The following ROBO1 variants were observed in gnomAD, a reference collection of about 807,000 sequenced individuals.
ROBO1 encodes roundabout homolog 1.
ROBO1 carries 149 observed loss-of-function variants against 195.9 expected under a neutral mutation model. That is an observed-to-expected ratio of 0.76 (90% CI 0.67 to 0.87). ROBO1 has a LOEUF of 0.87. ROBO1 is among the 40% of genes least tolerant of loss of function. The probability of loss-of-function intolerance (pLI) is 0.00; values close to 1 mark genes in which losing one functional copy is unlikely to be tolerated. For synonymous variants in ROBO1, 816 were observed against 733.2 expected (o/e 1.11, Z -1.82); for missense variants, 1,933 against 2,068.3 (o/e 0.93, Z 1.27).
chr3:79,699,337 A>C (rs1255018296), intron 1 of ROBO1, among the ~76,000 whole-genome samples: 1 of 151,538 alleles, frequency 6.6e-6, no homozygotes, highest in African/African-American at 2.4e-5. Flanking sequence ...CGCCCCCTAC[A>C]TGGCAACAGA....
chr3:79,301,626 T>C (rs1228153182), intron 2 of ROBO1, among the ~76,000 whole-genome samples: 1 of 152,252 alleles, frequency 6.6e-6, no homozygotes, highest in South Asian at 2.1e-4. Flanking sequence ...TTCCAATAGA[T>C]GGAAACTTCT....
chr3:78,964,737 A>T (rs2041584067), intron 3 of ROBO1, among the ~76,000 whole-genome samples: 1 of 152,038 alleles, frequency 6.6e-6, no homozygotes, highest in Admixed American at 6.6e-5. Flanking sequence ...CGAAGAAAGA[A>T]CTCATACAAC....
chr3:79,298,738 C>T (rs2032729660), intron 2 of ROBO1, among the ~76,000 whole-genome samples: 1 of 152,032 alleles, frequency 6.6e-6, no homozygotes, highest in Admixed American at 6.6e-5. Flanking sequence ...AGTACAAGTT[C>T]TTCATGTAAA....
At chr3:79,529,912 T>C (rs1941579886) in intron 2 of ROBO1, among the ~76,000 whole-genome samples, 1 of 152,188 alleles carries the variant, frequency 6.6e-6, no homozygotes, top group Admixed American at 6.5e-5. Context: ...ACTTAAAAAA[T>C]GGATCCACAG....
At chr3:79,468,486 A>T (rs910473443) in intron 2 of ROBO1, among the ~76,000 whole-genome samples, 1 of 152,204 alleles carries the variant, frequency 6.6e-6, no homozygotes, top group Admixed American at 6.5e-5. Context: ...CATAGTAATT[A>T]AATATGTTAA....
At chr3:78,935,767 A>G (rs1560017964) in intron 4 of ROBO1, among the ~76,000 whole-genome samples, 1 of 152,086 alleles carries the variant, frequency 6.6e-6, no homozygotes, top group East Asian at 1.9e-4. Flanking sequence ...GTTTGCAAAG[A>G]AAAATAATCA....
intron 2 of ROBO1, among the ~76,000 whole-genome samples, chr3:79,190,067 G>T (rs1287250148): frequency 6.6e-6 from 1 of 151,550 alleles, no homozygotes; most frequent in Non-Finnish European, 1.5e-5. Context: ...GTAAAGAAAT[G>T]CCTTAAACAA....
chr3:78,644,271 T>TA (rs1157665914), intron 21 of ROBO1, among the ~76,000 whole-genome samples: 2 of 152,034 alleles, frequency 1.3e-5, no homozygotes, highest in Admixed American at 1.3e-4. Context: ...GCTGACTTTT[T>TA]AAAAAAATGT....
At chr3:78,610,698 G>A (rs1703757975) in intron 28 of ROBO1, among the ~76,000 whole-genome samples, 1 of 152,008 alleles carries the variant, frequency 6.6e-6, no homozygotes, top group African/African-American at 2.4e-5. Context: ...AGATGTTCTA[G>A]ATAGGTGTTA....
At chr3:79,515,831 C>T (rs925729793) in intron 2 of ROBO1, among the ~76,000 whole-genome samples, 1 of 152,122 alleles carries the variant, frequency 6.6e-6, no homozygotes. Flanking sequence ...GGTATGTAGT[C>T]ATTTTTAAAG....
intron 3 of ROBO1, among the ~76,000 whole-genome samples, chr3:78,974,805 C>A (rs906505522): frequency 1.3e-5 from 2 of 152,088 alleles, no homozygotes; most frequent in East Asian, 3.9e-4. Flanking sequence ...AAAGATATAT[C>A]ATTTGAGAAT....
intron 4 of ROBO1, among the ~76,000 whole-genome samples, chr3:78,839,665 T>G (rs901038474): frequency 1.3e-5 from 2 of 152,178 alleles, no homozygotes; most frequent in Admixed American, 1.3e-4. Flanking sequence ...TTATCAACTT[T>G]AATCATATCC....
chr3:78,656,694 G>A (rs889684916), intron 18 of ROBO1, among the ~76,000 whole-genome samples: 1 of 152,064 alleles, frequency 6.6e-6, no homozygotes, highest in Non-Finnish European at 1.5e-5. Flanking sequence ...GTTCCATGAA[G>A]GTGCAGACTG....
chr3:79,392,563 T>A (rs2036993706), intron 2 of ROBO1, among the ~76,000 whole-genome samples: 1 of 152,146 alleles, frequency 6.6e-6, no homozygotes, highest in South Asian at 2.1e-4. Flanking sequence ...GTGGCATTAT[T>A]CTACAATAGA....
chr3:79,400,047 T>G (rs971740769), intron 2 of ROBO1, among the ~76,000 whole-genome samples: 2 of 152,142 alleles, frequency 1.3e-5, no homozygotes, highest in Non-Finnish European at 2.9e-5. Flanking sequence ...TCAGAAACGC[T>G]TGCTGTGTTC....
In ROBO1 at chr3:79,449,929, A is replaced by G. The variant is rs551441951; in HGVS notation, c.88+139895T>C. Among the ~76,000 whole-genome samples, 7 of 152,270 alleles carry G rather than the reference A, an allele frequency of 4.6e-5. No individual in the cohort carries two copies. The East Asian group carries it at 1.4e-3, about 29-fold the overall frequency. Reference sequence around the variant, plus strand: ...TCCTTATTGTACATATGAGGAACTTAGGCAGAGACAGGTTAAGAAACATAC... The same window carrying G: ...TCCTTATTGTACATATGAGGAACTTGGGCAGAGACAGGTTAAGAAACATAC... On this transcript the variant is annotated intron_variant, in intron 2 of 30. Transcript: ENST00000464233.
intron 4 of ROBO1, among the ~76,000 whole-genome samples, chr3:78,765,195 ATTG>A (rs1416376341): frequency 6.6e-6 from 1 of 152,078 alleles, no homozygotes; most frequent in East Asian, 1.9e-4. Flanking sequence ...ATGACTGAAT[ATTG>A]TTGTTTAATC....
chr3:78,692,267 G>GT (rs1054041006), intron 8 of ROBO1, among the ~76,000 whole-genome samples: 3 of 151,794 alleles, frequency 2.0e-5, no homozygotes, highest in South Asian at 2.1e-4. Context: ...GTAACTTTTT[G>GT]TTTTTTTCTC....
intron 1 of ROBO1, among the ~76,000 whole-genome samples, chr3:79,642,464 C>CA (rs1264672557): frequency 6.6e-6 from 1 of 151,880 alleles, no homozygotes; most frequent in East Asian, 1.9e-4. Flanking sequence ...ATAACTACCC[C>CA]AAAAATATAA....
Sources: allele counts gnomAD v4.1 joint callset (sites outside exome capture counted in the v4.1 genomes callset), GRCh38; gene constraint gnomAD v4.1.1; transcripts MANE v1.5; gene names NCBI Gene and HGNC (gene_info 2026-07-23, HGNC 2026-07-21).